Variants in B3GALT1 observed in about 807,000 individuals in gnomAD.
B3GALT1 encodes the protein beta-1,3-galactosyltransferase 1.
In B3GALT1, 10 loss-of-function variants were observed where a neutral mutation model predicts 23.2. That is an observed-to-expected ratio of 0.43 (90% CI 0.27 to 0.73). The LOEUF is 0.73. B3GALT1 is among the 30% of genes least tolerant of loss of function. The probability of loss-of-function intolerance (pLI) is 0.21; values close to 1 mark genes in which losing one functional copy is unlikely to be tolerated. For missense variants in B3GALT1, 299 were observed against 405.4 expected (o/e 0.74, Z 2.25); for synonymous variants, 156 against 141.5 (o/e 1.10, Z -0.73).
At chr2:167,761,386 G>C (rs1687897496) in intron 3 of B3GALT1, among the ~76,000 whole-genome samples, 1 of 152,166 alleles carries the variant, frequency 6.6e-6, no homozygotes, top group Non-Finnish European at 1.5e-5. Flanking sequence ...TAAAATTACA[G>C]GTTGGGCACG....
intron 4 of B3GALT1, among the ~76,000 whole-genome samples, chr2:167,865,709 G>A (rs946806591): frequency 1.3e-5 from 2 of 152,052 alleles, no homozygotes; most frequent in African/African-American, 4.8e-5. Flanking sequence ...GGAGAATGGC[G>A]TGAACCCGGG....
chr2:167,427,512 C>G (rs936700895), intron 1 of B3GALT1, among the ~76,000 whole-genome samples: 1 of 152,144 alleles, frequency 6.6e-6, no homozygotes, highest in Non-Finnish European at 1.5e-5. Context: ...AAATTTTTAG[C>G]CACTTTGGAT....
intron 3 of B3GALT1, among the ~76,000 whole-genome samples, chr2:167,745,048 CT>C (rs565586254): frequency 5.3e-4 from 80 of 151,300 alleles, no homozygotes; most frequent in Non-Finnish European, 7.1e-4. Flanking sequence ...TTCTCTGCCT[CT>C]TTTTTTTTCT....
intron 4 of B3GALT1, among the ~76,000 whole-genome samples, chr2:167,862,203 T>A (rs1037243596): frequency 8.5e-5 from 13 of 152,224 alleles, no homozygotes; most frequent in Admixed American, 3.9e-4. Context: ...TTATGAGGGC[T>A]GAGAAGTCCC....
intron 2 of B3GALT1, among the ~76,000 whole-genome samples, chr2:167,644,932 C>T (rs761843242): frequency 5.3e-5 from 8 of 152,032 alleles, no homozygotes; most frequent in Non-Finnish European, 1.2e-4. Context: ...GACTCAGAGC[C>T]ATGTTGATCT....
In B3GALT1 at chr2:167,506,110, A is replaced by C. The variant is rs1699913589; in HGVS notation, c.-410+15833A>C. 3.9e-5 allele frequency among the ~76,000 whole-genome samples: 6 copies of C among 152,210 alleles called. 1 individual carries two copies. The South Asian group carries it at 1.2e-3, about 32-fold the overall frequency. ...TGTTCATTCATGGTTCAAGCAACAC[A>C]ACTCTATGATGTCTTTCCTTATACC... On this transcript the variant is annotated intron_variant, in intron 2 of 4. Coordinates refer to ENST00000392690, the MANE Select transcript of B3GALT1 (RefSeq NM_020981.4).
At chr2:167,616,785 ACTTT>A (rs1285894106) in intron 2 of B3GALT1, among the ~76,000 whole-genome samples, 1 of 152,062 alleles carries the variant, frequency 6.6e-6, no homozygotes, top group African/African-American at 2.4e-5. Flanking sequence ...CTCCCTGTAA[ACTTT>A]CTTGTATTTT....
At chr2:167,420,312 GT>G (rs1311211724) in intron 1 of B3GALT1, among the ~76,000 whole-genome samples, 2 of 152,170 alleles carry the variant, frequency 1.3e-5, no homozygotes, top group African/African-American at 4.8e-5. Flanking sequence ...ACTTAAACTG[GT>G]GAAAAATGGA....
At chr2:167,762,580 T>TAA (rs11439436) in intron 3 of B3GALT1, among the ~76,000 whole-genome samples, 1,909 of 108,982 alleles carry the variant, frequency 0.018, 15 homozygotes, top group Non-Finnish European at 0.026. Flanking sequence ...GGACCAAAAA[T>TAA]AAAAAAAAAA....
intron 2 of B3GALT1, among the ~76,000 whole-genome samples, chr2:167,541,916 AGCT>A (rs1683539042): frequency 6.6e-6 from 1 of 152,090 alleles, no homozygotes; most frequent in Non-Finnish European, 1.5e-5. Flanking sequence ...TTGGTCCTGA[AGCT>A]GCTATTTGAT....
intron 4 of B3GALT1, among the ~76,000 whole-genome samples, chr2:167,830,253 T>G (rs948366260): frequency 6.6e-5 from 10 of 152,038 alleles, no homozygotes; most frequent in Non-Finnish European, 1.5e-4. Context: ...AGGCCGGGTC[T>G]TTTTCACAGA....
chr2:167,360,918 C>G (rs1378474740), intron 1 of B3GALT1, among the ~76,000 whole-genome samples: 1 of 152,156 alleles, frequency 6.6e-6, no homozygotes, highest in African/African-American at 2.4e-5. Context: ...TCCATGAGCT[C>G]CACTGTATTA....
At chr2:167,807,322 T>G (rs1011211910) in intron 3 of B3GALT1, among the ~76,000 whole-genome samples, 2 of 152,264 alleles carry the variant, frequency 1.3e-5, no homozygotes, top group African/African-American at 2.4e-5. Flanking sequence ...CCTTCAGTTC[T>G]GCTCTGATCT....
intron 4 of B3GALT1, among the ~76,000 whole-genome samples, chr2:167,868,188 T>C (rs1006897090): frequency 2.0e-5 from 3 of 152,158 alleles, no homozygotes; most frequent in African/African-American, 4.8e-5. Context: ...TGAAGTTTCA[T>C]AGAAAATTAG....
At chr2:167,676,408 A>T (rs971554603) in intron 3 of B3GALT1, among the ~76,000 whole-genome samples, 2 of 152,002 alleles carry the variant, frequency 1.3e-5, no homozygotes, top group African/African-American at 2.4e-5. Flanking sequence ...AGAGCTAAAG[A>T]TGCATCAGAT....
chr2:167,453,950 G>A (rs1367862250), intron 1 of B3GALT1, among the ~76,000 whole-genome samples: 1 of 152,066 alleles, frequency 6.6e-6, no homozygotes, highest in Non-Finnish European at 1.5e-5. Context: ...TACTTGTTTG[G>A]CATACAAATT....
chr2:167,454,221 G>A (rs563745701), intron 1 of B3GALT1, among the ~76,000 whole-genome samples: 4 of 139,690 alleles, frequency 2.9e-5, no homozygotes, highest in South Asian at 4.2e-4. Context: ...GCGCACGCGC[G>A]CGTGCACGTG....
chr2:167,302,065 C>T lies in B3GALT1; in HGVS notation c.-511+8731C>T, dbSNP rs1335275038. 2.0e-5 allele frequency among the ~76,000 whole-genome samples: 3 copies of T among 151,640 alleles called. No individual in the cohort carries two copies. In the East Asian group the frequency reaches 5.8e-4, roughly 29 times the overall value. On this transcript the variant is annotated intron_variant, in intron 1 of 4. Transcript: ENST00000392690. ...TGATGGTAGAAATAAACTATTTGGC[C>T]AACAAAAGGGGAATAATTAAATTGT... is the stretch of plus-strand genomic sequence containing the variant.
chr2:167,387,279 A>G (rs946423608), intron 1 of B3GALT1, among the ~76,000 whole-genome samples: 1 of 152,244 alleles, frequency 6.6e-6, no homozygotes, highest in African/African-American at 2.4e-5. Context: ...TTATTATTGC[A>G]TTAAAGAAAC....
Sources: gnomAD v4.1 joint callset for allele counts (sites outside exome capture counted in the v4.1 genomes callset) on GRCh38, gnomAD v4.1.1 for gene constraint, MANE v1.5 for transcripts, NCBI Gene and HGNC (gene_info 2026-07-23, HGNC 2026-07-21) for gene names.